Variants in NEK4 observed in about 807,000 individuals in gnomAD.
The protein encoded by NEK4 is NIMA related kinase 4.
A neutral mutation model predicts 98.4 loss-of-function variants in NEK4; 86 were observed. The ratio of observed to expected loss-of-function variants is 0.87; its 90% confidence interval spans 0.73 to 1.05. NEK4 has a LOEUF of 1.05. NEK4 is among the 50% of genes least tolerant of loss of function. NEK4 has a pLI of 0.00. For synonymous variants in NEK4, 328 were observed against 342.2 expected, an observed-to-expected ratio of 0.96 and a Z score of 0.46; for missense variants, 898 against 950.3, an observed-to-expected ratio of 0.94 and a Z score of 0.72.
chr3:52,744,774 A>C (rs1330561258), intron 10 of NEK4, among the ~76,000 whole-genome samples: 1 of 150,466 alleles, frequency 6.6e-6, no homozygotes, highest in Non-Finnish European at 1.5e-5. Context: ...GACTTAGAGG[A>C]GTGTCCATTG....
At chr3:52,723,712 A>G (rs1423947927) in intron 15 of NEK4, among the ~76,000 whole-genome samples, 1 of 152,230 alleles carries the variant, frequency 6.6e-6, no homozygotes, top group Non-Finnish European at 1.5e-5. Context: ...TAAAGGACCT[A>G]TAGAACACCA....
chr3:52,727,215 C>A (rs2097365402), intron 15 of NEK4, among the ~76,000 whole-genome samples: 1 of 152,086 alleles, frequency 6.6e-6, no homozygotes, highest in Non-Finnish European at 1.5e-5. Context: ...CTTGGGTGAT[C>A]CACCAGCCTC....
chr3:52,760,196 T>C (rs1439163158), intron 6 of NEK4, among the ~76,000 whole-genome samples: 1 of 151,986 alleles, frequency 6.6e-6, no homozygotes, highest in Non-Finnish European at 1.5e-5. Context: ...GATCACTTTA[T>C]TTATTTATTT....
At chr3:52,746,321 A>G in intron 9 of NEK4, 111 bp from the exon 10 acceptor site, 1 of 1,024,874 alleles carries the variant, frequency 9.8e-7, no homozygotes, top group South Asian at 1.6e-5. Flanking sequence ...AAAACCTTCA[A>G]AACATTGCAT....
chr3:52,748,184 G>C (rs1312227387), intron 8 of NEK4, among the ~76,000 whole-genome samples: 1 of 151,426 alleles, frequency 6.6e-6, no homozygotes, highest in Non-Finnish European at 1.5e-5. Context: ...AGCCAGGATG[G>C]TCTCGATCTC....
At chr3:52,768,315 G>T in intron 2 of NEK4, 23 bp downstream of exon 2, 1 of 1,592,458 alleles carries the variant, frequency 6.3e-7, no homozygotes, top group Non-Finnish European at 8.6e-7. Flanking sequence ...AACAAGCTAG[G>T]ATGCTATTAG....
Position 52,709,776 on chromosome 3 carries a change from A to AT in NEK4, c.*2000dup, listed in dbSNP as rs1351480205. On this transcript the variant is annotated 3_prime_UTR_variant, in exon 16 of 16. Coordinates refer to ENST00000233027, the MANE Select transcript of NEK4 (RefSeq NM_003157.6). ...TAAAATACCTACTTTATACCAATAC[A>AT]TTAGAAAAATTAAGTAAAACTGATG... is the stretch of plus-strand genomic sequence containing the variant. 1 of 151,930 alleles carries AT rather than the reference A, an allele frequency of 6.6e-6. No individual in the cohort carries two copies. The highest frequency in any genetic ancestry group is 1.5e-5 in the Non-Finnish European group (1 of 68,004). The allele number at this position is 151,930 out of a possible 1,614,324, so 9.4% of individuals were successfully genotyped here. A position where few individuals can be genotyped will look rare whatever the true frequency, so the allele number is the denominator to read the frequency against.
chr3:52,739,275 T>C (rs2097381587), intron 14 of NEK4, among the ~76,000 whole-genome samples, 154 bp downstream of exon 14: 1 of 152,202 alleles, frequency 6.6e-6, no homozygotes, highest in Non-Finnish European at 1.5e-5. Flanking sequence ...GGTGCATGCC[T>C]GTAGTCCCAG....
intron 8 of NEK4, among the ~76,000 whole-genome samples, chr3:52,748,321 T>C (rs1041245941): frequency 1.3e-5 from 2 of 152,110 alleles, no homozygotes; most frequent in African/African-American, 2.4e-5. Context: ...TCAAAATGAA[T>C]GTTTATTTGC....
rs1465823326 is a variant in NEK4 at position 52,711,029 on chromosome 3, G to C, written c.*748C>G. Reference sequence around the variant, plus strand: ...ATATATCCAAAAACTAAATGGACCTGGACTTTGCTTACAAATTGCTTAAAT... The same window carrying C: ...ATATATCCAAAAACTAAATGGACCTCGACTTTGCTTACAAATTGCTTAAAT... On this transcript the variant is annotated 3_prime_UTR_variant, in exon 16 of 16. Coordinates refer to ENST00000233027, the MANE Select transcript of NEK4 (RefSeq NM_003157.6). 1 of 152,458 alleles carries C rather than the reference G, an allele frequency of 6.6e-6. No individual in the cohort carries two copies. The highest frequency in any genetic ancestry group is 1.9e-4 in the East Asian group (1 of 5,196). 9.4% of individuals were successfully genotyped at this position (152,458 alleles called of 1,614,324 possible).
At chr3:52,717,742 A>G (rs936706906) in intron 15 of NEK4, among the ~76,000 whole-genome samples, 1 of 152,142 alleles carries the variant, frequency 6.6e-6, no homozygotes, top group African/African-American at 2.4e-5. Context: ...AGTGCTTTCA[A>G]AAAGAGTGGA....
In NEK4 at chr3:52,737,684, C is replaced by T. The variant is rs1313785351; in HGVS notation, c.2335G>A (p.Val779Ile). Residue 779 changes from valine (V) to isoleucine (I), a missense_variant, in exon 15 of 16, where the codon GTT becomes ATT. Transcript: ENST00000233027. ...ATTACATCAGTTCTCAAGACTTCAA[C>T]TAGTCTCCTGATCTTTTCAGAACCT... Reference protein sequence around the residue: ...MPGSEKIRRLVEVLRTDVIRG... With the variant: ...MPGSEKIRRLIEVLRTDVIRG... 1 of 1,613,822 alleles carries T rather than the reference C, an allele frequency of 6.2e-7. No homozygotes were observed. Among genetic ancestry groups the T allele is most frequent in the Non-Finnish European group, 8.5e-7 (1 of 1,179,840 alleles).
chr3:52,759,616 G>C (rs1698280644), intron 6 of NEK4, among the ~76,000 whole-genome samples: 1 of 152,110 alleles, frequency 6.6e-6, no homozygotes, highest in Non-Finnish European at 1.5e-5. Flanking sequence ...TGGAACTCTT[G>C]TGCACTGCTG....
intron 15 of NEK4, among the ~76,000 whole-genome samples, chr3:52,727,730 C>T (rs147772202): frequency 0.038 from 5,845 of 152,236 alleles, 377 homozygotes; most frequent in African/African-American, 0.13. Context: ...TTCGGCCTCC[C>T]GAAGTGCTGG....
chr3:52,753,587 T>C (rs2336545), intron 6 of NEK4: 212,502 of 560,072 alleles, frequency 0.38, 42,667 homozygotes, highest in Admixed American at 0.51. Context: ...GCTGAAAACA[T>C]TGGCAGGGGA....
intron 15 of NEK4, among the ~76,000 whole-genome samples, chr3:52,724,760 C>T (rs1012086187): frequency 1.7e-4 from 26 of 152,092 alleles, no homozygotes; most frequent in African/African-American, 6.0e-4. Context: ...AACATGGTGA[C>T]TACATTTAAT....
chr3:52,732,631 G>A (rs575134942), intron 15 of NEK4: 1 of 319,834 alleles, frequency 3.1e-6, no homozygotes, highest in South Asian at 3.8e-5. Flanking sequence ...ATTCTCTCAG[G>A]AGGAGTGGAA....
chr3:52,722,610 G>C (rs1288729458), intron 15 of NEK4, among the ~76,000 whole-genome samples: 1 of 152,136 alleles, frequency 6.6e-6, no homozygotes, highest in Non-Finnish European at 1.5e-5. Flanking sequence ...AGACTTATTA[G>C]AAAATGATGT....
intron 15 of NEK4, among the ~76,000 whole-genome samples, chr3:52,718,392 G>C (rs1174577384): frequency 6.8e-6 from 1 of 147,478 alleles, no homozygotes; most frequent in Non-Finnish European, 1.5e-5. Flanking sequence ...AGAATCGCTT[G>C]AACCCGGGAG....
Sources: allele counts gnomAD v4.1 joint callset (sites outside exome capture counted in the v4.1 genomes callset), GRCh38; gene constraint gnomAD v4.1.1; transcripts MANE v1.5; gene names NCBI Gene and HGNC (gene_info 2026-07-23, HGNC 2026-07-21).